Variants in MAN2A1 observed in about 807,000 individuals in gnomAD.
MAN2A1 encodes mannosidase alpha class 2A member 1.
In MAN2A1, 76 loss-of-function variants were observed where a neutral mutation model predicts 142.6. The observed-to-expected ratio is 0.53, with a 90% confidence interval of 0.44 to 0.65. The LOEUF (loss-of-function observed/expected upper bound fraction) is 0.65. Among genes scored for constraint, MAN2A1 ranks in the 30% least tolerant of loss-of-function variants. The pLI is 0.00. For missense variants in MAN2A1, 1,311 were observed against 1,365.1 expected, an observed-to-expected ratio of 0.96 and a Z score of 0.62; for synonymous variants, 559 against 473.2, an observed-to-expected ratio of 1.18 and a Z score of -2.35.
chr5:109,788,564 C>G (rs1753656452), intron 10 of MAN2A1, among the ~76,000 whole-genome samples: 1 of 151,752 alleles, frequency 6.6e-6, no homozygotes, highest in African/African-American at 2.4e-5. Context: ...TGTTAAAACC[C>G]TTGTTAGAGC....
Position 109,767,669 on chromosome 5 carries a change from C to T in MAN2A1, c.970C>T (p.Leu324=), listed in dbSNP as rs774184887. ...TTATGCAGTTAAAAAACACTTTGCA[C>T]TGCATAAAACATTGGAGTTTTTTTG... ...VHYAVKKHFA[L]HKTLEFFWRQ... is the part of the protein sequence containing the mutation. The change falls in exon 6 of 22, where the codon CTG becomes TTG. Residue 324 remains leucine, a synonymous_variant. Transcript: ENST00000261483. 6.2e-7 allele frequency: 1 copy of T among 1,613,334 alleles called. No individual in the cohort carries two copies.
intron 7 of MAN2A1, among the ~76,000 whole-genome samples, chr5:109,772,835 G>T (rs1292964379): frequency 6.6e-6 from 1 of 152,016 alleles, no homozygotes; most frequent in Non-Finnish European, 1.5e-5. Context: ...ACGTCCCAAA[G>T]AAAATGAAAT....
At chr5:109,777,724 A>G (rs545238938) in intron 8 of MAN2A1, among the ~76,000 whole-genome samples, 1 of 152,186 alleles carries the variant, frequency 6.6e-6, no homozygotes, top group South Asian at 2.1e-4. Context: ...TCTATCTGAA[A>G]TGGATTGCTG....
At chr5:109,812,077 T>A (rs1160672357) in intron 12 of MAN2A1, among the ~76,000 whole-genome samples, 1 of 152,172 alleles carries the variant, frequency 6.6e-6, no homozygotes, top group Non-Finnish European at 1.5e-5. Flanking sequence ...GAGAGTCTTG[T>A]AAGGGAAAGG....
intron 1 of MAN2A1, among the ~76,000 whole-genome samples, chr5:109,713,046 A>G (rs1028667913): frequency 6.6e-6 from 1 of 152,110 alleles, no homozygotes; most frequent in African/African-American, 2.4e-5. Flanking sequence ...TCCATAGATG[A>G]TATTTCTTAT....
intron 12 of MAN2A1, among the ~76,000 whole-genome samples, chr5:109,799,828 C>A (rs183376362): frequency 1.3e-5 from 2 of 151,878 alleles, no homozygotes; most frequent in East Asian, 3.9e-4. Context: ...GTGACTTACC[C>A]TATAATCCCA....
intron 6 of MAN2A1, among the ~76,000 whole-genome samples, chr5:109,769,756 C>A (rs1216630301): frequency 6.6e-6 from 1 of 151,818 alleles, no homozygotes; most frequent in African/African-American, 2.4e-5. Context: ...GTGAAAAGTC[C>A]CATTGACTGA....
At chr5:109,756,418 T>C (rs1752691814) in intron 5 of MAN2A1, among the ~76,000 whole-genome samples, 1 of 152,204 alleles carries the variant, frequency 6.6e-6, no homozygotes, top group African/African-American at 2.4e-5. Context: ...ATGTGTTTTT[T>C]ATTGAAGTTA....
At chr5:109,843,451 G>A (rs544322577) in intron 17 of MAN2A1, among the ~76,000 whole-genome samples, 2 of 152,184 alleles carry the variant, frequency 1.3e-5, no homozygotes, top group East Asian at 3.9e-4. Flanking sequence ...GATTTGGGTG[G>A]GGATACAAAG....
At chr5:109,770,640 AT>A in intron 7 of MAN2A1, 99 bp downstream of exon 7, 1 of 1,059,854 alleles carries the variant, frequency 9.4e-7, no homozygotes, top group South Asian at 1.5e-5. Flanking sequence ...ATTAGCCAAC[AT>A]TATCCTTGTT....
chr5:109,705,676 TATC>T (rs1751110304), intron 1 of MAN2A1, among the ~76,000 whole-genome samples: 2 of 152,244 alleles, frequency 1.3e-5, no homozygotes, highest in South Asian at 4.1e-4. Flanking sequence ...AAAAATGTGT[TATC>T]ATACAGATCT....
chr5:109,738,205 A>G (rs909327402), intron 4 of MAN2A1, among the ~76,000 whole-genome samples: 2 of 140,694 alleles, frequency 1.4e-5, no homozygotes, highest in Admixed American at 1.4e-4. Flanking sequence ...CTGTTCCCCT[A>G]TCAGCTTTTA....
intron 20 of MAN2A1, 59 bp downstream of exon 20, chr5:109,855,393 G>A (rs1465895288): frequency 8.7e-7 from 1 of 1,144,422 alleles, no homozygotes. Flanking sequence ...TGTTTTAAGG[G>A]GGTAAGGAAA....
At chr5:109,690,832 G>A (rs1750649181) in intron 1 of MAN2A1, among the ~76,000 whole-genome samples, 1 of 152,158 alleles carries the variant, frequency 6.6e-6, no homozygotes, top group African/African-American at 2.4e-5. Flanking sequence ...GGCCTGTTGG[G>A]GTGGCTTCGG....
chr5:109,713,426 G>C (rs1172074573), intron 1 of MAN2A1, 94 bp from the exon 2 acceptor site: 2 of 1,089,974 alleles, frequency 1.8e-6, no homozygotes, highest in Non-Finnish European at 2.6e-6. Context: ...GGCTGCCCTC[G>C]TAGGCAACCA....
intron 10 of MAN2A1, among the ~76,000 whole-genome samples, chr5:109,787,045 A>G (rs1036260906): frequency 2.0e-5 from 3 of 152,014 alleles, no homozygotes; most frequent in African/African-American, 7.2e-5. Flanking sequence ...ACATCATGGC[A>G]TATTTGGAGA....
At chr5:109,820,434 T>C in intron 15 of MAN2A1, 92 bp downstream of exon 15, 1 of 1,264,356 alleles carries the variant, frequency 7.9e-7, no homozygotes, top group South Asian at 1.5e-5. Context: ...TTTTATCATC[T>C]GTTGATTTAT....
chr5:109,694,758 A>T (rs1454139567), intron 1 of MAN2A1, among the ~76,000 whole-genome samples: 3 of 152,118 alleles, frequency 2.0e-5, no homozygotes, highest in Admixed American at 2.0e-4. Flanking sequence ...GTTATTAATG[A>T]AAGTTGACTC....
intron 4 of MAN2A1, among the ~76,000 whole-genome samples, chr5:109,737,529 T>C (rs569658206): frequency 2.6e-5 from 4 of 152,142 alleles, no homozygotes; most frequent in East Asian, 3.9e-4. Flanking sequence ...TTGTAGAATA[T>C]AGAGTTTGGT....
Sources: gnomAD v4.1 joint callset for allele counts (sites outside exome capture counted in the v4.1 genomes callset) on GRCh38, gnomAD v4.1.1 for gene constraint, MANE v1.5 for transcripts, NCBI Gene and HGNC (gene_info 2026-07-23, HGNC 2026-07-21) for gene names.